PDXK: variants seen among roughly 807,000 people sequenced by gnomAD.
PDXK encodes pyridoxal kinase, also known as epididymis secretory sperm binding protein Li 1a.
A neutral mutation model predicts 43.2 loss-of-function variants in PDXK; 15 were observed. That is an observed-to-expected ratio of 0.35 (90% CI 0.23 to 0.53). The LOEUF (loss-of-function observed/expected upper bound fraction) is 0.53. Among genes scored for constraint, PDXK ranks in the 20% least tolerant of loss-of-function variants. The pLI is 0.92. For synonymous variants in PDXK, 172 were observed against 165.4 expected (o/e 1.04, Z -0.31); for missense variants, 343 against 417.0 (o/e 0.82, Z 1.54).
rs529776905 is a variant in PDXK, at chr21:43,759,868, G to C, written c.*3805G>C. 6.6e-6 allele frequency: 1 copy of C among 152,370 alleles called. No individual in the cohort carries two copies. Among genetic ancestry groups the C allele is most frequent in the East Asian group, 1.9e-4 (1 of 5,168 alleles). The allele number at this position is 152,370 out of a possible 1,614,324, so 9.4% of individuals were successfully genotyped here. A position where few individuals can be genotyped will look rare whatever the true frequency, so the allele number is the denominator to read the frequency against. Reference sequence around the variant, plus strand: ...TGTCCGTCCACCGAGCACTCAGATGGATGCTGATCACCAGGGCCGAGGGGG... The same window carrying C: ...TGTCCGTCCACCGAGCACTCAGATGCATGCTGATCACCAGGGCCGAGGGGG... On this transcript the variant is annotated 3_prime_UTR_variant, in exon 11 of 11. Transcript: ENST00000291565.
chr21:43,725,950 A>G (rs2083248990), intron 1 of PDXK, among the ~76,000 whole-genome samples: 2 of 152,146 alleles, frequency 1.3e-5, no homozygotes, highest in Admixed American at 1.3e-4. Flanking sequence ...GTGTCCTCGG[A>G]ACGTTCCCAC....
At position 43,728,852 on chromosome 21, in the gene PDXK, G is replaced by T. The variant is rs1157854097; in HGVS notation, c.88-5217G>T. 3 of 985,486 alleles carry T rather than the reference G, an allele frequency of 3.0e-6. No individual in the cohort carries two copies. In the East Asian group the frequency reaches 3.4e-4, roughly 112 times the overall value. The allele number at this position is 985,486 out of a possible 1,614,324, so 61.0% of individuals were successfully genotyped here. A position where few individuals can be genotyped will look rare whatever the true frequency, so the allele number is the denominator to read the frequency against. On this transcript the variant is annotated intron_variant, in intron 1 of 10. Transcript: ENST00000291565. The stretch of plus-strand genomic sequence containing the variant: ...GACTGATGAGGTTGAAAGCACTTCC[G>T]CTGCGGCCCCCGCAGGAAGTTCCCA...
intron 2 of PDXK, among the ~76,000 whole-genome samples, chr21:43,736,634 T>G (rs1216514033): frequency 1.2e-4 from 18 of 148,636 alleles, no homozygotes; most frequent in African/African-American, 3.2e-4. Flanking sequence ...TTTCTGTTTT[T>G]TTTTTTTTTT....
intron 8 of PDXK, 65 bp downstream of exon 8, chr21:43,752,694 C>A: frequency 9.9e-7 from 1 of 1,009,046 alleles, no homozygotes; most frequent in Non-Finnish European, 1.6e-6. Flanking sequence ...TTCTTTGGGG[C>A]TGCAAGAATG....
At position 43,743,428 on chromosome 21, in the gene PDXK, AC is replaced by A. The variant is rs201036549; in HGVS notation, c.248-295del. 9.0e-3 allele frequency among the ~76,000 whole-genome samples: 224 copies of A among 24,768 alleles called. 16 individuals are homozygous for A. Among genetic ancestry groups the A allele is most frequent in the Middle Eastern group, 0.038 (1 of 26 alleles). 16.2% of individuals were successfully genotyped at this position (24,768 alleles called of 152,430 possible). Reference sequence around the variant, plus strand: ...CACCTCCCTCTCCCCCGCCCCCAGCACTGTGGGGACACCTCGCCTGCACCCA... The same window carrying A: ...CACCTCCCTCTCCCCCGCCCCCAGCATGTGGGGACACCTCGCCTGCACCCA... On this transcript the variant is annotated intron_variant, in intron 3 of 10. Coordinates refer to ENST00000291565, the MANE Select transcript of PDXK (RefSeq NM_003681.5).
intron 9 of PDXK, 84 bp downstream of exon 9, chr21:43,753,803 C>T: frequency 6.9e-7 from 1 of 1,442,390 alleles, no homozygotes; most frequent in Non-Finnish European, 9.4e-7. Flanking sequence ...GGTGGGGGGT[C>T]CCTGCTGAGC....
At chr21:43,741,879 C>G in intron 3 of PDXK, 108 bp downstream of exon 3, 1 of 738,948 alleles carries the variant, frequency 1.4e-6, no homozygotes, top group Non-Finnish European at 2.4e-6. Context: ...CGGGTCCCTG[C>G]CCCTTCAAGG....
Position 43,754,948 on chromosome 21 carries a change from A to G in PDXK, c.760-750A>G, listed in dbSNP as rs1014108368. ...TAGCCCTCTGCACACCCTGAGCTGG[A>G]ATGCACAGCCCCCTCATTCCATCCC... On this transcript the variant is annotated intron_variant, in intron 9 of 10. Transcript: ENST00000291565. This position sits in a 1 kb window ranked among gnomAD's most constrained non-coding sequence, Gnocchi z 5.5. 2.0e-5 allele frequency among the ~76,000 whole-genome samples: 3 copies of G among 152,130 alleles called. No individual in the cohort carries two copies. Among genetic ancestry groups the G allele is most frequent in the Non-Finnish European group, 2.9e-5 (2 of 68,000 alleles).
chr21:43,737,790 G>C lies in PDXK; in HGVS notation c.142+3667G>C, dbSNP rs575541460. The stretch of plus-strand genomic sequence containing the variant: ...TGGCCGGCTGGGATCTGACAGGAGT[G>C]CCAGGCTCCTTGGGCCGCCCGAGGA... On this transcript the variant is annotated intron_variant, in intron 2 of 10. Transcript: ENST00000291565. The surrounding 1 kb of genome is among the most constrained non-coding windows in gnomAD (Gnocchi z 4.8). The C allele has an allele frequency of 1.6e-5, 16 of 985,418 alleles. No homozygotes were observed. The highest frequency in any genetic ancestry group is 4.7e-5 in the South Asian group (1 of 21,280). The allele number at this position is 985,418 out of a possible 1,614,324, so 61.0% of individuals were successfully genotyped here.
At chr21:43,720,399 G>A (rs1161391523) in intron 1 of PDXK, among the ~76,000 whole-genome samples, 1 of 152,210 alleles carries the variant, frequency 6.6e-6, no homozygotes, top group Non-Finnish European at 1.5e-5. Flanking sequence ...CCTGGGAGGA[G>A]GACAGGAAGA....
rs201546479 is a variant in PDXK, at chr21:43,753,591, G to A, written c.631G>A (p.Ala211Thr). 32 of 1,611,224 alleles carry A rather than the reference G, an allele frequency of 2.0e-5. No homozygotes were observed. Among genetic ancestry groups the A allele is most frequent in the Non-Finnish European group, 2.4e-5 (28 of 1,178,264 alleles). Reference protein sequence around the residue: ...VLGSQRRRNPAGSVVMERIRM... With the variant: ...VLGSQRRRNPTGSVVMERIRM... Reference sequence around the variant, plus strand: ...CCATCTTCTCCCCCTAGGGAATCCCGCTGGCTCCGTGGTGATGGAACGCAT... The same window carrying A: ...CCATCTTCTCCCCCTAGGGAATCCCACTGGCTCCGTGGTGATGGAACGCAT... Residue 211 changes from alanine (A) to threonine (T), a missense_variant, in exon 9 of 11, where the codon GCT (alanine) becomes ACT (threonine). Transcript: ENST00000291565.
rs1046151490 is a variant in PDXK, at chr21:43,756,249, G to C, written c.*186G>C. On this transcript the variant is annotated 3_prime_UTR_variant, in exon 11 of 11. Transcript: ENST00000291565. Reference sequence around the variant, plus strand: ...CGTGCTTTGTGAAAAATAACAAAGTGGTCACAGAAATTTGTGATCTGAAAA... The same window carrying C: ...CGTGCTTTGTGAAAAATAACAAAGTCGTCACAGAAATTTGTGATCTGAAAA... The C allele has an allele frequency of 1.4e-5, 7 of 499,240 alleles. No homozygotes were observed. The highest frequency in any genetic ancestry group is 1.4e-4 in the African/African-American group (7 of 51,150). The allele number at this position is 499,240 out of a possible 1,614,324, so 30.9% of individuals were successfully genotyped here.
In PDXK at chr21:43,757,612, A is replaced by T. The variant is rs1418532939; in HGVS notation, c.*1549A>T. On this transcript the variant is annotated 3_prime_UTR_variant, in exon 11 of 11. Coordinates refer to ENST00000291565, the MANE Select transcript of PDXK (RefSeq NM_003681.5). ...AGATGCAGGTTTATATGGAACCCCCACCCCCTCCCCCACTCTCCCACTCTG... is the reference window on the plus strand; with the variant it reads ...AGATGCAGGTTTATATGGAACCCCCTCCCCCTCCCCCACTCTCCCACTCTG... 2 of 130,232 alleles carry T rather than the reference A, an allele frequency of 1.5e-5. No homozygotes were observed. Among genetic ancestry groups the T allele is most frequent in the Admixed American group, 1.6e-4 (2 of 12,276 alleles). The allele number at this position is 130,232 out of a possible 1,614,324, so 8.1% of individuals were successfully genotyped here.
chr21:43,756,225 G>C lies in PDXK; in HGVS notation c.*162G>C, dbSNP rs1030269815. 1.9e-6 allele frequency: 1 copy of C among 539,638 alleles called. No individual in the cohort carries two copies. Among genetic ancestry groups the C allele is most frequent in the Non-Finnish European group, 3.3e-6 (1 of 303,274 alleles). 33.4% of individuals were successfully genotyped at this position (539,638 alleles called of 1,614,324 possible). On this transcript the variant is annotated 3_prime_UTR_variant, in exon 11 of 11. Coordinates refer to ENST00000291565, the MANE Select transcript of PDXK (RefSeq NM_003681.5). ...GTCTTCATTGTGAAACGTGCCAGTC[G>C]TGCTTTGTGAAAAATAACAAAGTGG...
At chr21:43,736,435 C>T (rs948991115) in intron 2 of PDXK, among the ~76,000 whole-genome samples, 4 of 152,128 alleles carry the variant, frequency 2.6e-5, no homozygotes, top group Non-Finnish European at 4.4e-5. Context: ...AGCAGCCGTG[C>T]GGACACTCGG....
intron 1 of PDXK, among the ~76,000 whole-genome samples, chr21:43,725,826 A>AAAAGG (rs1486722719): frequency 6.6e-6 from 1 of 152,026 alleles, no homozygotes; most frequent in African/African-American, 2.4e-5. Flanking sequence ...AAAAAAAAAG[A>AAAAGG]AAAGGAAAGG....
At chr21:43,733,619 C>T in intron 1 of PDXK, 1 of 1,040,274 alleles carries the variant, frequency 9.6e-7, no homozygotes, top group Non-Finnish European at 1.2e-6. Flanking sequence ...GAGCCCTTGG[C>T]CTGACTTCTT....
chr21:43,735,615 C>G lies in PDXK; in HGVS notation c.142+1492C>G, dbSNP rs954632445. Reference sequence around the variant, plus strand: ...GGGTGTCCCTTCCCATGGGGTCCAGCCTGTGGTTCCTGGGAGCCCCCACTC... The same window carrying G: ...GGGTGTCCCTTCCCATGGGGTCCAGGCTGTGGTTCCTGGGAGCCCCCACTC... On this transcript the variant is annotated intron_variant, in intron 2 of 10. Transcript: ENST00000291565. The surrounding 1 kb of genome is among the most constrained non-coding windows in gnomAD (Gnocchi z 5.3). Among the ~76,000 whole-genome samples the G allele has an allele frequency of 1.3e-5, 2 of 152,182 alleles. No homozygotes were observed. Among genetic ancestry groups the G allele is most frequent in the African/African-American group, 4.8e-5 (2 of 41,436 alleles).
rs747275553 is a variant in PDXK, at chr21:43,752,554, G to A, written c.547G>A (p.Val183Met). ...DMLHSMGPDT[V>M]VITSSDLPSP... The stretch of plus-strand genomic sequence containing the variant: ...GCTGCACTCTATGGGCCCCGACACC[G>A]TGGTCATCACCAGCTCCGACCTGCC... The change falls in exon 8 of 11, where the codon GTG (valine) becomes ATG (methionine). Residue 183 changes from valine (V) to methionine (M), a missense_variant. Physicochemically the swap from Val to Met is conservative, Grantham distance 21. Transcript: ENST00000291565. 3.1e-6 allele frequency: 5 copies of A among 1,612,600 alleles called. No homozygotes were observed. The highest frequency in any genetic ancestry group is 1.6e-4 in the Middle Eastern group (1 of 6,062).
Sources: allele counts gnomAD v4.1 joint callset (sites outside exome capture counted in the v4.1 genomes callset), GRCh38; gene constraint gnomAD v4.1.1; non-coding constraint Gnocchi (gnomAD v3.1); transcripts MANE v1.5; gene names NCBI Gene and HGNC (gene_info 2026-07-23, HGNC 2026-07-21).